DAB1: variants seen among roughly 807,000 people sequenced by gnomAD.
The protein encoded by DAB1 is DAB adaptor protein 1, also known as disabled homolog 1.
In DAB1, 15 loss-of-function variants were observed where a neutral mutation model predicts 64.6. That is an observed-to-expected ratio of 0.23 (90% CI 0.16 to 0.36). DAB1 has a LOEUF of 0.36. Ranked by LOEUF, DAB1 falls within the 10% of genes least tolerant of loss-of-function variation. The probability of loss-of-function intolerance (pLI) is 1.00; values close to 1 mark genes in which losing one functional copy is unlikely to be tolerated. For synonymous variants in DAB1, 235 were observed against 251.9 expected (o/e 0.93, Z 0.64); for missense variants, 596 against 706.7 (o/e 0.84, Z 1.78).
At chr1:58,248,881 T>C (rs1304625759) in intron 4 of DAB1, among the ~76,000 whole-genome samples, 17 of 152,152 alleles carry the variant, frequency 1.1e-4, no homozygotes, top group African/African-American at 2.4e-5. Context: ...ATAACCACTG[T>C]ATTTAACACG....
At chr1:57,572,205 C>T (rs1057500650) in intron 7 of DAB1, among the ~76,000 whole-genome samples, 4 of 152,312 alleles carry the variant, frequency 2.6e-5, no homozygotes, top group African/African-American at 7.2e-5. Flanking sequence ...ATGAATGAAA[C>T]TCTCACATGG....
intron 6 of DAB1, among the ~76,000 whole-genome samples, chr1:57,770,918 C>A (rs1649531187): frequency 6.6e-6 from 1 of 152,060 alleles, no homozygotes; most frequent in South Asian, 2.1e-4. Flanking sequence ...GGAGGGCACC[C>A]TTAACTCATT....
At chr1:57,269,984 T>TG (rs1365129307) in intron 2 of DAB1, among the ~76,000 whole-genome samples, 25 of 152,200 alleles carry the variant, frequency 1.6e-4, no homozygotes, top group African/African-American at 4.6e-4. Context: ...GCTTGCTAGG[T>TG]GAACGTCTGA....
At chr1:57,964,415 T>C (rs571967524) in intron 5 of DAB1, among the ~76,000 whole-genome samples, 1 of 152,352 alleles carries the variant, frequency 6.6e-6, no homozygotes, top group African/African-American at 2.4e-5. Context: ...ATGAGGTCAG[T>C]AACTATTGAT....
intron 2 of DAB1, among the ~76,000 whole-genome samples, chr1:57,198,749 G>A (rs1664857374): frequency 1.3e-5 from 2 of 151,646 alleles, no homozygotes; most frequent in African/African-American, 4.9e-5. Flanking sequence ...CGTGTAAGCT[G>A]GACTCTGGAG....
intron 5 of DAB1, among the ~76,000 whole-genome samples, chr1:58,137,496 C>G (rs899086641): frequency 6.6e-6 from 1 of 152,092 alleles, no homozygotes; most frequent in African/African-American, 2.4e-5. Flanking sequence ...CATCTATCTA[C>G]CCTCCATCTA....
At chr1:57,906,799 C>A (rs536300844) in intron 5 of DAB1, among the ~76,000 whole-genome samples, 1 of 152,208 alleles carries the variant, frequency 6.6e-6, no homozygotes, top group East Asian at 1.9e-4. Flanking sequence ...TGCCTAAGTC[C>A]CTTCTCGTTC....
rs1460456207 is a variant in DAB1 at position 57,143,930 on chromosome 1, A to G, written c.207+1360T>C. 2.0e-5 allele frequency among the ~76,000 whole-genome samples: 3 copies of G among 149,852 alleles called. No individual in the cohort carries two copies. The Admixed American group carries it at 2.1e-4, about 10-fold the overall frequency. ...TGTTTATGTATATGTATATGTATAT[A>G]TATATGTTTATGTATATGTATATAT... On this transcript the variant is annotated intron_variant, in intron 3 of 14. Transcript: ENST00000371236.
intron 6 of DAB1, among the ~76,000 whole-genome samples, chr1:57,756,619 T>A (rs139536738): frequency 1.3e-5 from 2 of 151,580 alleles, no homozygotes; most frequent in African/African-American, 4.9e-5. Context: ...TAAATTGAGA[T>A]CAGTGTGGGG....
At chr1:58,034,493 A>G (rs931731362) in intron 5 of DAB1, among the ~76,000 whole-genome samples, 13 of 152,204 alleles carry the variant, frequency 8.5e-5, no homozygotes, top group Non-Finnish European at 1.5e-5. Flanking sequence ...TAAGCCATGA[A>G]GTTTTGGGGT....
intron 7 of DAB1, among the ~76,000 whole-genome samples, chr1:57,480,162 A>C (rs1643998079): frequency 6.6e-6 from 1 of 151,728 alleles, no homozygotes; most frequent in Non-Finnish European, 1.5e-5. Context: ...AAAAAAAAAA[A>C]AAAAAGACAA....
chr1:57,146,962 G>A (rs527668193), intron 2 of DAB1, among the ~76,000 whole-genome samples: 1 of 152,034 alleles, frequency 6.6e-6, no homozygotes, highest in East Asian at 1.9e-4. Context: ...AGTAACTTCA[G>A]TGAGATAGTA....
At chr1:57,636,620 G>A (rs531638560) in intron 7 of DAB1, among the ~76,000 whole-genome samples, 3 of 152,308 alleles carry the variant, frequency 2.0e-5, no homozygotes, top group African/African-American at 7.2e-5. Flanking sequence ...TTTGCAGGTA[G>A]AGCCAACAAA....
intron 1 of DAB1, among the ~76,000 whole-genome samples, chr1:57,338,184 C>A (rs976224286): frequency 1.3e-5 from 2 of 151,994 alleles, no homozygotes; most frequent in Non-Finnish European, 1.5e-5. Flanking sequence ...GAGGTTTTGC[C>A]GTGTTGCCCA....
intron 4 of DAB1, among the ~76,000 whole-genome samples, chr1:58,156,683 G>A (rs1405425895): frequency 6.6e-6 from 1 of 152,170 alleles, no homozygotes; most frequent in Non-Finnish European, 1.5e-5. Context: ...GAAGAAGTAG[G>A]TGAAGGAGAA....
chr1:58,275,746 T>G (rs1467503387), intron 4 of DAB1, among the ~76,000 whole-genome samples: 1 of 152,220 alleles, frequency 6.6e-6, no homozygotes, highest in Non-Finnish European at 1.5e-5. Context: ...ATGGTTCAGC[T>G]GCTACAGAAA....
At chr1:57,824,002 G>A (rs1289582162), downstream of DAB1, among the ~76,000 whole-genome samples, 1 of 152,172 alleles carries the variant, frequency 6.6e-6, no homozygotes, top group Non-Finnish European at 1.5e-5. Context: ...GATAGTAAGT[G>A]TAATAATGTG....
At chr1:57,826,982 A>C (rs1157813664) in intron 1 of DAB1, among the ~76,000 whole-genome samples, 1 of 152,240 alleles carries the variant, frequency 6.6e-6, no homozygotes, top group Admixed American at 6.5e-5. Context: ...GTATTTGGTA[A>C]TTTGATGGTT....
At chr1:57,146,622 T>C (rs981706048) in intron 2 of DAB1, among the ~76,000 whole-genome samples, 2 of 152,194 alleles carry the variant, frequency 1.3e-5, no homozygotes, top group African/African-American at 4.8e-5. Flanking sequence ...AACCATCATA[T>C]AGTACTTTTC....
Sources: allele counts gnomAD v4.1 joint callset (sites outside exome capture counted in the v4.1 genomes callset), GRCh38; gene constraint gnomAD v4.1.1; transcripts MANE v1.5; gene names NCBI Gene and HGNC (gene_info 2026-07-23, HGNC 2026-07-21).